PHKA2: variants seen among roughly 807,000 people sequenced by gnomAD.
PHKA2 encodes the protein phosphorylase kinase regulatory subunit alpha 2.
Under a neutral mutation model 102.0 loss-of-function variants are expected in PHKA2, and 31 were observed. The observed-to-expected ratio is 0.30, with a 90% confidence interval of 0.23 to 0.41. PHKA2 has a LOEUF of 0.41. Ranked by LOEUF, PHKA2 falls within the 10% of genes least tolerant of loss-of-function variation. The probability of loss-of-function intolerance (pLI) is 1.00; values close to 1 mark genes in which losing one functional copy is unlikely to be tolerated. For missense variants in PHKA2, 858 were observed against 1,023.1 expected (o/e 0.84, Z 2.20); for synonymous variants, 455 against 416.2 (o/e 1.09, Z -1.13).
At chrX:18,982,550 A>G (rs1475196715) in intron 1 of PHKA2, among the ~76,000 whole-genome samples, 1 of 112,291 alleles carries the variant, frequency 8.9e-6, no homozygotes, top group Admixed American at 9.4e-5. Context: ...ATGGACTCTG[A>G]GGCCAGGTGC....
intron 21 of PHKA2, among the ~76,000 whole-genome samples, 183 bp downstream of exon 21, chrX:18,908,618 C>T (rs1011599722): frequency 6.3e-5 from 7 of 111,759 alleles, no homozygotes; most frequent in African/African-American, 2.0e-4. Context: ...TCGCCCCTTC[C>T]ACCATGTCAG....
chrX:18,906,078 A>G (rs1266617263), intron 25 of PHKA2, among the ~76,000 whole-genome samples: 1 of 111,994 alleles, frequency 8.9e-6, no homozygotes, highest in Non-Finnish European at 1.9e-5. Context: ...TCTTAGACAC[A>G]TGATGTTTCA....
intron 21 of PHKA2, among the ~76,000 whole-genome samples, chrX:18,908,467 T>C (rs1326963171): frequency 8.9e-6 from 1 of 112,383 alleles, no homozygotes; most frequent in East Asian, 2.8e-4. Flanking sequence ...ATGTCTGTTT[T>C]CCCCCAATTC....
At chrX:18,964,766 C>T (rs1042740022) in intron 1 of PHKA2, among the ~76,000 whole-genome samples, 1 of 112,442 alleles carries the variant, frequency 8.9e-6, no homozygotes, top group Non-Finnish European at 1.9e-5. Flanking sequence ...GTATAAGTAA[C>T]AGTTTCTTTT....
intron 28 of PHKA2, 23 bp downstream of exon 28, chrX:18,900,647 C>A: frequency 1.7e-6 from 2 of 1,194,014 alleles, no homozygotes; most frequent in Non-Finnish European, 2.3e-6. Flanking sequence ...AAGTAAAGGA[C>A]GAACAAGGCA....
chrX:18,906,602 A>G lies in PHKA2; in HGVS notation c.2699T>C (p.Met900Thr). The G allele has an allele frequency of 2.5e-6, 3 of 1,197,769 alleles. No homozygotes were observed. The highest frequency in any genetic ancestry group is 3.4e-6 in the Non-Finnish European group (3 of 882,325). Reference protein sequence around the residue: ...LTQEIVVYLAMYVRAQPSLFV... With the variant: ...LTQEIVVYLATYVRAQPSLFV... ...GAGGCTGGGCTGCGCCCTGACATAC[A>G]TGGCCAGGTAAACCACAATCTCCTG... is the stretch of plus-strand genomic sequence containing the variant. Residue 900 changes from methionine (M) to threonine (T), a missense_variant, in exon 25 of 33, where the codon ATG (methionine) becomes ACG (threonine). By Grantham distance (81) the Met-to-Thr change is moderately conservative. This residue lies in a region of PHKA2 where 671 missense variants were observed against 745.2 expected (regional missense o/e 0.90). Transcript: ENST00000379942.
intron 1 of PHKA2, among the ~76,000 whole-genome samples, chrX:18,974,225 A>G (rs990074861): frequency 2.7e-5 from 3 of 110,351 alleles, no homozygotes; most frequent in Middle Eastern, 4.7e-3. Flanking sequence ...TCCCAACCCC[A>G]TATCTCCACC....
At chrX:18,971,437 C>G (rs1043587104) in intron 1 of PHKA2, among the ~76,000 whole-genome samples, 17 of 112,028 alleles carry the variant, frequency 1.5e-4, no homozygotes, top group Admixed American at 7.6e-4. Context: ...AAGGGAATCA[C>G]CTTGAAGAGA....
intron 17 of PHKA2, among the ~76,000 whole-genome samples, chrX:18,922,946 T>C (rs1408374485): frequency 9.2e-6 from 1 of 108,769 alleles, no homozygotes; most frequent in African/African-American, 3.4e-5. Context: ...GGGCTTCAAC[T>C]CCAAAAGTTT....
chrX:18,982,860 A>C (rs1233931759), intron 1 of PHKA2, among the ~76,000 whole-genome samples: 1 of 111,586 alleles, frequency 9.0e-6, no homozygotes, highest in Non-Finnish European at 1.9e-5. Flanking sequence ...CAACAAAGAA[A>C]ACAGATTAAG....
intron 6 of PHKA2, among the ~76,000 whole-genome samples, chrX:18,944,763 C>G (rs1284133952): frequency 8.9e-6 from 1 of 111,914 alleles, no homozygotes; most frequent in Non-Finnish European, 1.9e-5. Context: ...CTCTCTGTGA[C>G]CCAGAAAAGA....
In PHKA2 at chrX:18,901,404, C is replaced by G. The variant is rs1012635165; in HGVS notation, c.3027+81G>C. The G allele has an allele frequency of 4.8e-6, 3 of 622,204 alleles. No individual in the cohort carries two copies. The African/African-American group carries it at 6.6e-5, about 14-fold the overall frequency. 51.3% of individuals were successfully genotyped at this position (622,204 alleles called of 1,213,427 possible). On this transcript the variant is annotated intron_variant, in intron 27 of 32. Transcript: ENST00000379942. ...CAGACAGTGGGCTGCAGCCTCATGCCCTAGGTTTCTGTCGCTTTCTGGGGT... is the reference window on the plus strand; with the variant it reads ...CAGACAGTGGGCTGCAGCCTCATGCGCTAGGTTTCTGTCGCTTTCTGGGGT...
intron 1 of PHKA2, among the ~76,000 whole-genome samples, chrX:18,965,365 G>C (rs1464682330): frequency 8.9e-6 from 1 of 111,907 alleles, no homozygotes; most frequent in African/African-American, 3.3e-5. Context: ...TTAAGTACTG[G>C]TGGATTACTG....
Position 18,941,640 on chromosome X carries a change from T to C in PHKA2, c.753A>G (p.Thr251=). Reference sequence around the variant, plus strand: ...GAAGTCCAGCATCAATTTCTTTAGATGTCGACGCTCTTGGCAGCATGGAGA... The same window carrying C: ...GAAGTCCAGCATCAATTTCTTTAGACGTCGACGCTCTTGGCAGCATGGAGA... ...ILFSMLPRAS[T]SKEIDAGLLS... The change falls in exon 8 of 33, where the codon ACA becomes ACG. Residue 251 remains threonine, a synonymous_variant. Transcript: ENST00000379942. The C allele has an allele frequency of 8.6e-7, 1 of 1,168,341 alleles. No homozygotes were observed. Among genetic ancestry groups the C allele is most frequent in the Non-Finnish European group, 1.2e-6 (1 of 855,312 alleles).
Position 18,936,125 on chromosome X carries a change from T to C in PHKA2, c.1067A>G (p.Glu356Gly). 2 of 1,202,483 alleles carry C rather than the reference T, an allele frequency of 1.7e-6. No individual in the cohort carries two copies. The highest frequency in any genetic ancestry group is 2.3e-6 in the Non-Finnish European group (2 of 888,033). ...ATTCTTGCCTCTGATGAGTATTCCC[T>C]CCAGGGCCTCTCGGTATTCTTGGAC... Reference protein sequence around the residue: ...VQVQEYREALEGILIRGKNGI... With the variant: ...VQVQEYREALGGILIRGKNGI... Residue 356 changes from glutamate (E) to glycine (G), a missense_variant, in exon 11 of 33, where the codon GAG (glutamate) becomes GGG (glycine). By Grantham distance (98) the Glu-to-Gly change is moderately conservative. This residue lies in a region of PHKA2 where 671 missense variants were observed against 745.2 expected (regional missense o/e 0.90). Transcript: ENST00000379942.
Position 18,905,735 on chromosome X carries a change from G to A in PHKA2, c.2908+23C>T, listed in dbSNP as rs373338311. 5.7e-6 allele frequency: 6 copies of A among 1,053,569 alleles called. No individual in the cohort carries two copies. In the Admixed American group the frequency reaches 8.8e-5, roughly 15 times the overall value. 86.8% of individuals were successfully genotyped at this position (1,053,569 alleles called of 1,213,427 possible). ...GTAAAGGAGGCAGCTCCCTGAAGAC[G>A]TTAACAGGAGCATGGAACTTACCAC... On this transcript the variant is annotated intron_variant, in intron 26 of 32. Transcript: ENST00000379942.
Position 18,924,496 on chromosome X carries a change from G to A in PHKA2, c.1599C>T (p.Ala533=). The A allele has an allele frequency of 2.5e-6, 3 of 1,211,115 alleles. No homozygotes were observed. The highest frequency in any genetic ancestry group is 3.4e-6 in the Non-Finnish European group (3 of 894,923). Residue 533 remains alanine, a synonymous_variant, in exon 16 of 33, where the codon GCC becomes GCT. Coordinates refer to ENST00000379942, the MANE Select transcript of PHKA2 (RefSeq NM_000292.3). The part of the protein sequence containing the change: ...QFTDQHHFYL[A]LDNEMIVEML... ...TCTCCACGATCATCTCATTGTCGAGGGCCAGGTAGAAGTGATGCTGGTCGG... is the reference window on the plus strand; with the variant it reads ...TCTCCACGATCATCTCATTGTCGAGAGCCAGGTAGAAGTGATGCTGGTCGG...
At chrX:18,957,578 T>C (rs949660078) in intron 1 of PHKA2, among the ~76,000 whole-genome samples, 3 of 110,752 alleles carry the variant, frequency 2.7e-5, no homozygotes, top group African/African-American at 9.9e-5. Context: ...CAGAGCATTG[T>C]AGAAATACGT....
At chrX:18,897,593 A>C in intron 29 of PHKA2, 1 of 391,872 alleles carries the variant, frequency 2.6e-6, no homozygotes, top group Non-Finnish European at 4.5e-6. Context: ...TAGAACCCAT[A>C]AGGAGGAGGC....
Sources: gnomAD v4.1 joint callset for allele counts (sites outside exome capture counted in the v4.1 genomes callset) on GRCh38, gnomAD v4.1.1 for gene constraint, gnomAD v4.1.1 regional missense constraint, MANE v1.5 for transcripts, NCBI Gene and HGNC (gene_info 2026-07-23, HGNC 2026-07-21) for gene names.